TNPO1: variants seen among roughly 807,000 people sequenced by gnomAD.
The protein encoded by TNPO1 is transportin-1.
In TNPO1, 8 loss-of-function variants were observed where a neutral mutation model predicts 119.5. That is an observed-to-expected ratio of 0.07 (90% CI 0.04 to 0.12). The LOEUF (loss-of-function observed/expected upper bound fraction) is 0.12. Ranked by LOEUF, TNPO1 falls within the 10% of genes least tolerant of loss-of-function variation. TNPO1 has a pLI of 1.00. For missense variants in TNPO1, 576 were observed against 1,089.8 expected, an observed-to-expected ratio of 0.53 and a Z score of 6.64; for synonymous variants, 362 against 363.0, an observed-to-expected ratio of 1.00 and a Z score of 0.03.
At chr5:72,860,784 G>T (rs1052251844) in intron 4 of TNPO1, among the ~76,000 whole-genome samples, 2 of 152,136 alleles carry the variant, frequency 1.3e-5, no homozygotes, top group African/African-American at 2.4e-5. Flanking sequence ...ATTAAGTCAG[G>T]GAGCTATTTT....
intron 13 of TNPO1, among the ~76,000 whole-genome samples, chr5:72,888,842 T>A (rs1748844830): frequency 6.6e-6 from 1 of 152,234 alleles, no homozygotes; most frequent in African/African-American, 2.4e-5. Context: ...AGTTCTGCTC[T>A]AGTAGCCATT....
At chr5:72,877,793 G>A (rs1454870871) in intron 9 of TNPO1, among the ~76,000 whole-genome samples, 1 of 151,920 alleles carries the variant, frequency 6.6e-6, no homozygotes, top group Non-Finnish European at 1.5e-5. Flanking sequence ...AAACTAAATT[G>A]CAGAAAATTT....
chr5:72,877,323 T>C lies in TNPO1; in HGVS notation c.897T>C (p.Asp299=). ...TAGCTGAACAGCCAATATGCAAAGA[T>C]GTACTCGTAAGGCATCTTCCTAAGT... is the stretch of plus-strand genomic sequence containing the variant. The part of the protein sequence containing the change: ...LTLAEQPICK[D]VLVRHLPKLI... The change falls in exon 9 of 25, where the codon GAT becomes GAC. Residue 299 remains aspartate, a synonymous_variant. Coordinates refer to ENST00000337273, the MANE Select transcript of TNPO1 (RefSeq NM_002270.4). 6.2e-7 allele frequency: 1 copy of C among 1,607,970 alleles called. No individual in the cohort carries two copies.
chr5:72,823,869 C>T lies in TNPO1; in HGVS notation c.15+7117C>T, dbSNP rs182027104. ...TGCCTGATGGTTGTACTGTATTTTC[C>T]TAGTCTGCTTACTCTTCCACTCCTC... On this transcript the variant is annotated intron_variant, in intron 1 of 24. Transcript: ENST00000337273. 1.4e-3 allele frequency among the ~76,000 whole-genome samples: 216 copies of T among 152,264 alleles called. 1 individual carries two copies. The highest frequency in any genetic ancestry group is 0.014 in the Middle Eastern group (4 of 294).
intron 1 of TNPO1, chr5:72,825,835 TTC>T (rs1475506676): frequency 6.6e-6 from 1 of 152,266 alleles, no homozygotes; most frequent in Non-Finnish European, 1.5e-5. Context: ...AGCAATCAAT[TTC>T]TGTCATTTAT....
At chr5:72,854,150 A>G (rs1171895906) in intron 3 of TNPO1, among the ~76,000 whole-genome samples, 1 of 152,260 alleles carries the variant, frequency 6.6e-6, no homozygotes, top group African/African-American at 2.4e-5. Flanking sequence ...TATTGCTTAA[A>G]GAAGTTAAAT....
chr5:72,874,428 G>A (rs921014190), intron 7 of TNPO1, among the ~76,000 whole-genome samples: 5 of 152,140 alleles, frequency 3.3e-5, no homozygotes, highest in Non-Finnish European at 7.4e-5. Flanking sequence ...AGTGACAAAT[G>A]CAAGATGATG....
chr5:72,904,809 C>A (rs1750028474), intron 23 of TNPO1, among the ~76,000 whole-genome samples: 1 of 151,988 alleles, frequency 6.6e-6, no homozygotes. Flanking sequence ...GCCACACACA[C>A]AAAAAGATAT....
rs1249748639 is a variant in TNPO1 at position 72,888,135 on chromosome 5, G to T, written c.1361G>T (p.Cys454Phe). 1.2e-6 allele frequency: 2 copies of T among 1,613,970 alleles called. No individual in the cohort carries two copies. The highest frequency in any genetic ancestry group is 1.7e-6 in the Non-Finnish European group (2 of 1,180,038). ...LPELIPHLIQ[C>F]LSDKKALVRS... ...GAGCTTATTCCTCACCTTATTCAGT[G>T]CCTCTCTGATAAAAAGGCTCTTGTG... is the stretch of plus-strand genomic sequence containing the variant. Residue 454 changes from cysteine to phenylalanine, a missense_variant, in exon 13 of 25, where the codon TGC (cysteine) becomes TTC (phenylalanine). Physicochemically the swap from Cys to Phe is radical, Grantham distance 205. Around this residue, in one of 6 missense-constraint regions of TNPO1, gnomAD observed 310 missense variants for 583.0 expected, o/e 0.53. Transcript: ENST00000337273.
At chr5:72,875,528 T>A in intron 7 of TNPO1, 87 bp from the exon 8 acceptor site, 2 of 1,457,266 alleles carry the variant, frequency 1.4e-6, no homozygotes, top group Admixed American at 1.9e-5. Context: ...TTTGTAGGGT[T>A]TCTTTAAATG....
In TNPO1 at chr5:72,902,162, C is replaced by CA. The variant is rs200260726; in HGVS notation, c.2514+1096dup. Among the ~76,000 whole-genome samples, 761 of 151,838 alleles carry CA rather than the reference C, an allele frequency of 5.0e-3. 5 individuals are homozygous for CA. Among genetic ancestry groups the CA allele is most frequent in the Middle Eastern group, 0.024 (7 of 292 alleles). On this transcript the variant is annotated intron_variant, in intron 22 of 24. Transcript: ENST00000337273. ...GCACACAAGAGTTATAAAACTGCCCCAAAAAAATGCTTTTATAGCAATAAC... is the reference window on the plus strand; with the variant it reads ...GCACACAAGAGTTATAAAACTGCCCCAAAAAAAATGCTTTTATAGCAATAAC...
intron 3 of TNPO1, among the ~76,000 whole-genome samples, chr5:72,851,588 G>T (rs1175727034): frequency 6.6e-6 from 1 of 152,138 alleles, no homozygotes; most frequent in Non-Finnish European, 1.5e-5. Flanking sequence ...TGCCTCCCGG[G>T]TTCAAGCAAT....
At chr5:72,838,582 T>C (rs1744790680) in intron 1 of TNPO1, among the ~76,000 whole-genome samples, 1 of 152,182 alleles carries the variant, frequency 6.6e-6, no homozygotes, top group Non-Finnish European at 1.5e-5. Context: ...ATTAGTAACT[T>C]TCCTGGTGCT....
chr5:72,851,074 G>C (rs1435762204), intron 2 of TNPO1, 170 bp from the exon 3 acceptor site: 1 of 568,048 alleles, frequency 1.8e-6, no homozygotes, highest in Non-Finnish European at 3.1e-6. Flanking sequence ...GCACTAGCGT[G>C]TTTTTGAAAT....
At chr5:72,897,376 C>G (rs1487189137) in intron 20 of TNPO1, among the ~76,000 whole-genome samples, 1 of 151,996 alleles carries the variant, frequency 6.6e-6, no homozygotes, top group Non-Finnish European at 1.5e-5. Context: ...ACTTTTTTCC[C>G]CTATTCCAGT....
At chr5:72,858,200 A>C (rs553523258) in intron 4 of TNPO1, among the ~76,000 whole-genome samples, 2 of 151,886 alleles carry the variant, frequency 1.3e-5, no homozygotes, top group Non-Finnish European at 2.9e-5. Flanking sequence ...TAAAAAAGCA[A>C]TTAGGAATGT....
At chr5:72,841,763 G>T (rs1025452804) in intron 1 of TNPO1, among the ~76,000 whole-genome samples, 2 of 151,920 alleles carry the variant, frequency 1.3e-5, no homozygotes, top group African/African-American at 4.8e-5. Context: ...CCTGAACTTT[G>T]GTTCAATTTC....
At chr5:72,899,715 C>T (rs911060430) in intron 20 of TNPO1, among the ~76,000 whole-genome samples, 2 of 152,090 alleles carry the variant, frequency 1.3e-5, no homozygotes, top group East Asian at 3.9e-4. Context: ...CTCGATTGAG[C>T]GAGAAAAGCA....
intron 6 of TNPO1, among the ~76,000 whole-genome samples, chr5:72,870,409 A>C (rs1012838131): frequency 8.5e-5 from 13 of 152,086 alleles, no homozygotes; most frequent in Non-Finnish European, 4.4e-5. Flanking sequence ...TGATCCGCCC[A>C]CCGTAGCCTC....
Sources: allele counts gnomAD v4.1 joint callset (sites outside exome capture counted in the v4.1 genomes callset), GRCh38; gene constraint gnomAD v4.1.1; regional missense constraint gnomAD v4.1.1; transcripts MANE v1.5; gene names NCBI Gene and HGNC (gene_info 2026-07-23, HGNC 2026-07-21).